The following VPS8 variants were observed in gnomAD, a reference collection of about 807,000 sequenced individuals.
The protein encoded by VPS8 is vacuolar protein sorting-associated protein 8 homolog.
VPS8 carries 129 observed loss-of-function variants against 216.4 expected under a neutral mutation model. That is an observed-to-expected ratio of 0.60 (90% confidence interval 0.52 to 0.69). VPS8 has a LOEUF of 0.69. Among genes scored for constraint, VPS8 ranks in the 30% least tolerant of loss-of-function variants. The pLI, the probability that VPS8 is intolerant of heterozygous loss-of-function variation, is 0.00. For synonymous variants in VPS8, 571 were observed against 565.4 expected, an observed-to-expected ratio of 1.01 and a Z score of -0.14; for missense variants, 1,531 against 1,683.5, an observed-to-expected ratio of 0.91 and a Z score of 1.59.
chr3:184,944,059 A>G (rs1743230012), intron 36 of VPS8, among the ~76,000 whole-genome samples: 1 of 149,040 alleles, frequency 6.7e-6, no homozygotes, highest in Non-Finnish European at 1.5e-5. Flanking sequence ...ACACACACAC[A>G]CACAAACAAA....
Position 185,051,986 on chromosome 3 carries a change from C to G in VPS8, c.4248C>G (p.Phe1416Leu), listed in dbSNP as rs776853029. 4 of 1,613,342 alleles carry G rather than the reference C, an allele frequency of 2.5e-6. No individual in the cohort carries two copies. Among genetic ancestry groups the G allele is most frequent in the African/African-American group, 1.3e-5 (1 of 74,932 alleles). ...AFNSIFQNEN[F>L]QLQLIPPPVT... ...ACAGCATCTTCCAGAATGAGAACTT[C>G]CAGCTGCAGCTCATTCCTCCACCTG... The change falls in exon 48 of 48, where the codon TTC becomes TTG. Residue 1416 changes from phenylalanine (F) to leucine (L), a missense_variant. Coordinates refer to ENST00000625842, the MANE Select transcript of VPS8 (RefSeq NM_001009921.3).
intron 31 of VPS8, among the ~76,000 whole-genome samples, chr3:184,926,935 T>G (rs1739764554): frequency 6.6e-6 from 1 of 152,176 alleles, no homozygotes; most frequent in Non-Finnish European, 1.5e-5. Context: ...TAGGACTTCT[T>G]GTACCCTGCA....
rs747021674 is a variant in VPS8 at position 184,996,323 on chromosome 3, G to A, written c.3667-9G>A. On this transcript the variant is annotated splice_polypyrimidine_tract_variant and intron_variant, in intron 43 of 47. Transcript: ENST00000625842. ...TTGTTTGTTTGTTTTTTGTTTTGGT[G>A]TTTCATAGACCCTGCTGGAAACAAC... 1 of 1,591,504 alleles carries A rather than the reference G, an allele frequency of 6.3e-7. No individual in the cohort carries two copies. Among genetic ancestry groups the A allele is most frequent in the Admixed American group, 1.8e-5 (1 of 54,262 alleles).
intron 31 of VPS8, 82 bp from the exon 32 acceptor site, chr3:184,928,369 G>A: frequency 7.8e-7 from 1 of 1,280,812 alleles, no homozygotes; most frequent in Non-Finnish European, 1.1e-6. Context: ...AAAATTAAAT[G>A]TTATAGTCTG....
intron 21 of VPS8, among the ~76,000 whole-genome samples, chr3:184,877,959 G>A (rs1196324553): frequency 3.9e-5 from 6 of 152,030 alleles, no homozygotes; most frequent in Non-Finnish European, 8.8e-5. Context: ...AGTTAACTGT[G>A]GAAACAGTAT....
intron 19 of VPS8, 146 bp downstream of exon 19, chr3:184,869,182 A>T (rs1454173124): frequency 3.9e-6 from 3 of 776,160 alleles, no homozygotes; most frequent in Non-Finnish European, 6.2e-6. Context: ...ACTTTCAGTT[A>T]AGAAGGTTAA....
chr3:184,852,539 G>A lies in VPS8; in HGVS notation c.793G>A (p.Gly265Arg), dbSNP rs761079092. 6.8e-6 allele frequency: 11 copies of A among 1,613,462 alleles called. No individual in the cohort carries two copies. Among genetic ancestry groups the A allele is most frequent in the African/African-American group, 1.3e-5 (1 of 74,904 alleles). Residue 265 changes from glycine to arginine, a missense_variant, in exon 11 of 48, where the codon GGA becomes AGA. Gly to Arg is a moderately radical substitution (Grantham distance 125). This residue lies in a region of VPS8 where 1,318 missense variants were observed against 1,468.4 expected (regional missense o/e 0.90). Transcript: ENST00000625842. ...AACTCTTGCAATTTGCAACGACAGC[G>A]GAGGCTCTGTTTTTGAATTGACATT... ...DPTLAICNDSGGSVFELTFKR... is the reference protein window; with the variant it reads ...DPTLAICNDSRGSVFELTFKR...
chr3:184,883,904 C>T (rs1180938677), intron 21 of VPS8, among the ~76,000 whole-genome samples: 1 of 152,082 alleles, frequency 6.6e-6, no homozygotes, highest in East Asian at 1.9e-4. Flanking sequence ...TTTATAGTTC[C>T]TCCAGACATT....
rs556487743 is a variant in VPS8, at chr3:184,851,482, T to TGC, written c.754-1016_754-1015dup. On this transcript the variant is annotated intron_variant, in intron 10 of 47. Transcript: ENST00000625842. The stretch of plus-strand genomic sequence containing the variant: ...GGATATTTATGTGTGTGTGTGTGTG[T>TGC]GCGTTTATATGAATACACTACTTTA... Among the ~76,000 whole-genome samples the TGC allele has an allele frequency of 6.2e-3, 939 of 152,142 alleles. 2 individuals are homozygous for TGC. The highest frequency in any genetic ancestry group is 0.021 in the African/African-American group (865 of 41,510).
intron 46 of VPS8, among the ~76,000 whole-genome samples, chr3:185,032,736 G>C (rs567600183): frequency 4.6e-5 from 7 of 152,188 alleles, no homozygotes; most frequent in African/African-American, 1.4e-4. Context: ...CGCAATCTCG[G>C]CTTACTGCAA....
At chr3:184,911,396 CAAAAA>C (rs1231583207) in intron 25 of VPS8, among the ~76,000 whole-genome samples, 4 of 152,020 alleles carry the variant, frequency 2.6e-5, no homozygotes, top group African/African-American at 9.7e-5. Flanking sequence ...GTGTGTAAAT[CAAAAA>C]ATGTCTGAGA....
At chr3:184,812,348 C>T (rs1420212615) in intron 1 of VPS8, 123 bp downstream of exon 1, 3 of 152,220 alleles carry the variant, frequency 2.0e-5, no homozygotes, top group Non-Finnish European at 4.4e-5. Context: ...GCGACAGCGG[C>T]GGGACCTCGG....
chr3:184,830,705 T>TTGA (rs1450792419), intron 3 of VPS8, among the ~76,000 whole-genome samples: 1 of 152,226 alleles, frequency 6.6e-6, no homozygotes, highest in Non-Finnish European at 1.5e-5. Flanking sequence ...AAATAACATT[T>TTGA]TGATTGACTC....
intron 36 of VPS8, chr3:184,944,461 A>AT: frequency 2.0e-6 from 2 of 979,656 alleles, no homozygotes; most frequent in Non-Finnish European, 2.4e-6. Context: ...ATGAATTCTC[A>AT]CAGGAGTTCT....
At chr3:184,936,359 GGGAAAAATATCT>G in intron 35 of VPS8, 24 bp downstream of exon 35, 1 of 1,571,266 alleles carries the variant, frequency 6.4e-7, no homozygotes, top group Non-Finnish European at 8.7e-7. Context: ...ATATATATTG[GGGAAAAATATCT>G]AGTGGAAAGA....
intron 30 of VPS8, among the ~76,000 whole-genome samples, chr3:184,926,062 A>C (rs1739555886): frequency 6.8e-6 from 1 of 146,490 alleles, no homozygotes; most frequent in African/African-American, 2.5e-5. Flanking sequence ...GGTGTGAGCC[A>C]CTGCGCCTAG....
At chr3:184,996,702 A>G (rs1056654212) in intron 44 of VPS8, among the ~76,000 whole-genome samples, 1 of 152,292 alleles carries the variant, frequency 6.6e-6, no homozygotes, top group East Asian at 1.9e-4. Context: ...AATAAGAGCT[A>G]TGGAGAAAAA....
chr3:184,956,419 C>G (rs9862547), intron 36 of VPS8, among the ~76,000 whole-genome samples: 114,042 of 151,716 alleles, frequency 0.75, 43,567 homozygotes, highest in Middle Eastern at 0.81. Flanking sequence ...AACCTGGAAA[C>G]TACTTCTTTA....
chr3:184,929,437 G>C (rs1740288319), intron 32 of VPS8, 143 bp from the exon 33 acceptor site: 4 of 585,112 alleles, frequency 6.8e-6, no homozygotes, highest in Middle Eastern at 2.6e-4. Context: ...CAGTCCTCTT[G>C]CCTCAGCCTC....
Sources: allele counts gnomAD v4.1 joint callset (sites outside exome capture counted in the v4.1 genomes callset), GRCh38; gene constraint gnomAD v4.1.1; regional missense constraint gnomAD v4.1.1; transcripts MANE v1.5; gene names NCBI Gene and HGNC (gene_info 2026-07-23, HGNC 2026-07-21).